The following CFAP206 variants were observed in gnomAD, a reference collection of about 807,000 sequenced individuals.
The protein encoded by CFAP206 is cilia- and flagella-associated protein 206.
CFAP206 carries 53 observed loss-of-function variants against 65.4 expected under a neutral mutation model. That is an observed-to-expected ratio of 0.81 (90% CI 0.65 to 1.02). The LOEUF (loss-of-function observed/expected upper bound fraction) is 1.02. Among genes scored for constraint, CFAP206 ranks in the 50% least tolerant of loss-of-function variants. CFAP206 has a pLI of 0.00. For synonymous variants in CFAP206, 250 were observed against 254.4 expected, an observed-to-expected ratio of 0.98 and a Z score of 0.17; for missense variants, 663 against 753.2, an observed-to-expected ratio of 0.88 and a Z score of 1.40.
At chr6:87,460,496 G>A (rs1768727687) in intron 11 of CFAP206, among the ~76,000 whole-genome samples, 1 of 152,154 alleles carries the variant, frequency 6.6e-6, no homozygotes, top group Admixed American at 6.5e-5. Context: ...GGGAATGAGG[G>A]ATGTTTTCTC....
intron 11 of CFAP206, among the ~76,000 whole-genome samples, chr6:87,436,210 T>A (rs113207571): frequency 1.3e-5 from 2 of 151,562 alleles, no homozygotes; most frequent in African/African-American, 4.8e-5. Context: ...CTCAACTTTC[T>A]GAGTAGCTGG....
chr6:87,410,608 A>C lies in CFAP206; in HGVS notation c.132A>C (p.Pro44=). ...AGGTGAAAGCTGTTGTCCTGGATCC[A>C]AGTAATGGCTTTAACATGGATAGAA... ...AFMVKAVVLD[P]SNGFNMDRTL... Residue 44 remains proline (P), a synonymous_variant, in exon 3 of 13, where the codon CCA becomes CCC. Coordinates refer to ENST00000369562, the MANE Select transcript of CFAP206 (RefSeq NM_001031743.3). 6.2e-7 allele frequency: 1 copy of C among 1,614,084 alleles called. No individual in the cohort carries two copies. The highest frequency in any genetic ancestry group is 8.5e-7 in the Non-Finnish European group (1 of 1,179,950).
Position 87,413,898 on chromosome 6 carries a change from G to A in CFAP206, c.281G>A (p.Arg94Gln), listed in dbSNP as rs773938782. The A allele has an allele frequency of 6.9e-5, 105 of 1,511,986 alleles. No homozygotes were observed. Among genetic ancestry groups the A allele is most frequent in the Admixed American group, 9.6e-5 (4 of 41,528 alleles). 93.7% of individuals were successfully genotyped at this position (1,511,986 alleles called of 1,614,324 possible). A position where few individuals can be genotyped will look rare whatever the true frequency, so the allele number is the denominator to read the frequency against. The change falls in exon 4 of 13, where the codon CGA (arginine) becomes CAA (glutamine). Residue 94 changes from arginine to glutamine, a missense_variant and splice_region_variant. By Grantham distance (43) the Arg-to-Gln change is conservative. Transcript: ENST00000369562. ...QVYFDMNYTN[R>Q]VEFLEEHHRV... ...TACTTCGATATGAATTATACGAATCGAGGTAATGTATACTACCTATTTTTA... is the reference window on the plus strand; with the variant it reads ...TACTTCGATATGAATTATACGAATCAAGGTAATGTATACTACCTATTTTTA...
chr6:87,440,996 A>T (rs1186320960), intron 11 of CFAP206, among the ~76,000 whole-genome samples: 1 of 152,220 alleles, frequency 6.6e-6, no homozygotes, highest in Non-Finnish European at 1.5e-5. Flanking sequence ...TATAGTATGT[A>T]GCTCTTTGAT....
intron 11 of CFAP206, among the ~76,000 whole-genome samples, chr6:87,453,060 G>T (rs1021967412): frequency 5.9e-5 from 9 of 151,810 alleles, no homozygotes; most frequent in African/African-American, 2.2e-4. Context: ...CAAGGATAAA[G>T]AAAGGATCCT....
intron 11 of CFAP206, chr6:87,436,686 T>A (rs1475202170): frequency 1.3e-5 from 2 of 152,342 alleles, no homozygotes; most frequent in Non-Finnish European, 2.9e-5. Context: ...CGTGATGACA[T>A]CGTTGATGTA....
In CFAP206 at chr6:87,410,639, AT is replaced by A; in HGVS notation, c.164del (p.Met55ArgfsTer13). On this transcript the variant is annotated frameshift_variant, in exon 3 of 13. Transcript: ENST00000369562. LOFTEE classifies it high-confidence loss of function. ...SNGFNMDRTL[M>X]KSDVQNLVKL... is the part of the protein sequence containing the mutation. ...TGGCTTTAACATGGATAGAACCCTC[AT>A]GAAAAGTGATGTGCAGAATCTTGTT... The A allele has an allele frequency of 1.9e-6, 3 of 1,614,062 alleles. No individual in the cohort carries two copies. Among genetic ancestry groups the A allele is most frequent in the Non-Finnish European group, 2.5e-6 (3 of 1,179,938 alleles).
At chr6:87,455,748 A>G (rs1010524903) in intron 11 of CFAP206, among the ~76,000 whole-genome samples, 2 of 152,196 alleles carry the variant, frequency 1.3e-5, no homozygotes, top group African/African-American at 2.4e-5. Flanking sequence ...ATGCCAATCA[A>G]TTGGAAAACC....
At chr6:87,440,816 G>A (rs1768349388) in intron 11 of CFAP206, among the ~76,000 whole-genome samples, 1 of 152,200 alleles carries the variant, frequency 6.6e-6, no homozygotes, top group East Asian at 1.9e-4. Context: ...GGAATTTTGG[G>A]TGGTACTTGG....
intron 7 of CFAP206, 134 bp downstream of exon 7, chr6:87,418,550 G>A: frequency 3.0e-6 from 2 of 673,254 alleles, no homozygotes; most frequent in South Asian, 4.0e-5. Flanking sequence ...CTTTGGTAGA[G>A]TTAGGAATCA....
chr6:87,424,557 G>A (rs754194254), intron 7 of CFAP206, among the ~76,000 whole-genome samples: 2 of 152,162 alleles, frequency 1.3e-5, no homozygotes, highest in South Asian at 2.1e-4. Context: ...GATTACAGGC[G>A]TGAGCCACCG....
chr6:87,460,994 C>T, intron 11 of CFAP206, 28 bp from the exon 12 acceptor site: 1 of 1,545,922 alleles, frequency 6.5e-7, no homozygotes, highest in South Asian at 1.3e-5. Flanking sequence ...TTTTTACAAG[C>T]ACTAACTACA....
At chr6:87,417,366 A>G (rs1767851561) in intron 6 of CFAP206, among the ~76,000 whole-genome samples, 1 of 151,944 alleles carries the variant, frequency 6.6e-6, no homozygotes, top group South Asian at 2.1e-4. Flanking sequence ...GAAATTTGGT[A>G]CTCCTGTAGG....
intron 3 of CFAP206, among the ~76,000 whole-genome samples, chr6:87,413,402 A>G (rs1389322512): frequency 6.6e-6 from 1 of 152,206 alleles, no homozygotes; most frequent in Non-Finnish European, 1.5e-5. Flanking sequence ...CTCACTTATA[A>G]GTGGGAGCTC....
intron 9 of CFAP206, among the ~76,000 whole-genome samples, chr6:87,429,656 T>C (rs6454625): frequency 0.36 from 54,647 of 152,020 alleles, 11,180 homozygotes; most frequent in African/African-American, 0.56. Context: ...TAGCTAAAGA[T>C]ACTTTAACAT....
chr6:87,435,866 A>G (rs1167345747), intron 11 of CFAP206: 1 of 151,816 alleles, frequency 6.6e-6, no homozygotes, highest in Non-Finnish European at 1.5e-5. Flanking sequence ...GGGTCTCGCC[A>G]TGTTGCCCGG....
At chr6:87,429,665 AT>A in intron 9 of CFAP206, among the ~76,000 whole-genome samples, 1 of 152,284 alleles carries the variant, frequency 6.6e-6, no homozygotes, top group East Asian at 1.9e-4. Context: ...ATACTTTAAC[AT>A]TTATGAGGAA....
intron 11 of CFAP206, among the ~76,000 whole-genome samples, chr6:87,437,321 T>G (rs971210888): frequency 6.6e-6 from 1 of 152,222 alleles, no homozygotes; most frequent in Non-Finnish European, 1.5e-5. Context: ...GCATTTCTTC[T>G]TATTTATCTG....
chr6:87,441,674 A>T (rs1268831165), intron 11 of CFAP206: 1 of 179,842 alleles, frequency 5.6e-6, no homozygotes. Flanking sequence ...AATCCAAAGT[A>T]TATACAAGTA....
Sources: gnomAD v4.1 joint callset for allele counts (sites outside exome capture counted in the v4.1 genomes callset) on GRCh38, gnomAD v4.1.1 for gene constraint, MANE v1.5 for transcripts, NCBI Gene and HGNC (gene_info 2026-07-23, HGNC 2026-07-21) for gene names.